The following FAM168A variants were observed in gnomAD, a reference collection of about 807,000 sequenced individuals.
The protein encoded by FAM168A is family with sequence similarity 168 member A, also known as protein FAM168A.
In FAM168A, 3 loss-of-function variants were observed where a neutral mutation model predicts 28.5. That is an observed-to-expected ratio of 0.11 (90% CI 0.05 to 0.27). The LOEUF is 0.27. Among genes scored for constraint, FAM168A ranks in the 10% least tolerant of loss-of-function variants. FAM168A has a pLI of 1.00. For synonymous variants in FAM168A, 122 were observed against 124.2 expected (o/e 0.98, Z 0.12); for missense variants, 222 against 311.5 (o/e 0.71, Z 2.16).
At chr11:73,497,372 G>A (rs1392992536) in intron 1 of FAM168A, among the ~76,000 whole-genome samples, 2 of 152,024 alleles carry the variant, frequency 1.3e-5, no homozygotes, top group Non-Finnish European at 2.9e-5. Context: ...GGCTGAGGCA[G>A]GAGAATCACT....
chr11:73,545,027 A>AATATATTATATATAATATATTATAT (rs1943726414), intron 1 of FAM168A, among the ~76,000 whole-genome samples: 13 of 77,394 alleles, frequency 1.7e-4, no homozygotes, highest in South Asian at 2.7e-4. Context: ...TAGTATATAT[A>AATATATTATATATAATATATTATAT]ATATATATAT....
At chr11:73,422,359 T>C (rs1430012465) in intron 3 of FAM168A, among the ~76,000 whole-genome samples, 1 of 152,244 alleles carries the variant, frequency 6.6e-6, no homozygotes, top group Non-Finnish European at 1.5e-5. Flanking sequence ...TGAATTAGTG[T>C]TTTCCGTACG....
At chr11:73,597,639 C>T (rs1207367153) in intron 1 of FAM168A, among the ~76,000 whole-genome samples, 1 of 151,970 alleles carries the variant, frequency 6.6e-6, no homozygotes, top group East Asian at 1.9e-4. Flanking sequence ...TCCCGAATTC[C>T]AACCCGACGC....
intron 1 of FAM168A, among the ~76,000 whole-genome samples, chr11:73,516,605 C>A (rs1326039690): frequency 6.6e-6 from 1 of 152,168 alleles, no homozygotes; most frequent in African/African-American, 2.4e-5. Context: ...AGAGTCCTTA[C>A]CTCCTTCTCT....
chr11:73,407,415 G>T (rs1565231657), intron 7 of FAM168A, 98 bp downstream of exon 7: 4 of 707,028 alleles, frequency 5.7e-6, no homozygotes, highest in Non-Finnish European at 8.9e-6. Context: ...GCTGTTACCT[G>T]CCCTAGCTGA....
chr11:73,478,349 G>T (rs1813898436), intron 1 of FAM168A, among the ~76,000 whole-genome samples: 1 of 152,110 alleles, frequency 6.6e-6, no homozygotes, highest in African/African-American at 2.4e-5. Flanking sequence ...ATGCTAAGTG[G>T]AAGAAGCCAG....
At chr11:73,580,231 T>C (rs2134733414) in intron 1 of FAM168A, 1 of 520,808 alleles carries the variant, frequency 1.9e-6, no homozygotes, top group Non-Finnish European at 3.8e-6. Flanking sequence ...TACGTCCCGC[T>C]GCCGTCACTG....
At chr11:73,481,239 C>CT (rs1867963621) in intron 1 of FAM168A, among the ~76,000 whole-genome samples, 1 of 152,130 alleles carries the variant, frequency 6.6e-6, no homozygotes, top group Non-Finnish European at 1.5e-5. Flanking sequence ...TCTTACTCTT[C>CT]TTTTTAGGGT....
At chr11:73,411,176 T>C (rs1304257883) in intron 5 of FAM168A, among the ~76,000 whole-genome samples, 1 of 152,242 alleles carries the variant, frequency 6.6e-6, no homozygotes, top group African/African-American at 2.4e-5. Context: ...TGGGCTCTGT[T>C]AATCTAAATG....
intron 1 of FAM168A, among the ~76,000 whole-genome samples, chr11:73,589,710 T>C (rs535812533): frequency 6.6e-6 from 1 of 152,202 alleles, no homozygotes; most frequent in East Asian, 1.9e-4. Flanking sequence ...GGGTGGATCA[T>C]GAGGTCAGGA....
At chr11:73,486,406 T>G (rs185011344) in intron 1 of FAM168A, among the ~76,000 whole-genome samples, 1 of 152,326 alleles carries the variant, frequency 6.6e-6, no homozygotes, top group Admixed American at 6.5e-5. Flanking sequence ...CCATTCTATA[T>G]TCTGTCTCTA....
chr11:73,573,190 T>C (rs1362027298), intron 1 of FAM168A, among the ~76,000 whole-genome samples: 1 of 152,170 alleles, frequency 6.6e-6, no homozygotes, highest in Non-Finnish European at 1.5e-5. Flanking sequence ...ACTTAACTGT[T>C]AGAAGGTAGA....
At chr11:73,411,612 C>T (rs1466969311) in intron 4 of FAM168A, 76 bp from the exon 5 acceptor site, 56 of 1,482,040 alleles carry the variant, frequency 3.8e-5, no homozygotes, top group Non-Finnish European at 3.6e-5. Context: ...GTCCCAGTCA[C>T]GACTCCCCAG....
intron 1 of FAM168A, among the ~76,000 whole-genome samples, chr11:73,558,771 T>C (rs531509967): frequency 6.6e-6 from 1 of 152,264 alleles, no homozygotes; most frequent in African/African-American, 2.4e-5. Flanking sequence ...ACAATAGCTA[T>C]TTATTTTTTA....
At chr11:73,429,315 C>G (rs1189179835) in intron 3 of FAM168A, among the ~76,000 whole-genome samples, 1 of 152,146 alleles carries the variant, frequency 6.6e-6, no homozygotes, top group Non-Finnish European at 1.5e-5. Context: ...CACTGGGTAA[C>G]TTGGGACAAA....
chr11:73,550,066 A>G (rs1267407831), intron 1 of FAM168A, among the ~76,000 whole-genome samples: 1 of 152,266 alleles, frequency 6.6e-6, no homozygotes, highest in Non-Finnish European at 1.5e-5. Context: ...ATACGCTATG[A>G]ATAAATATAT....
At chr11:73,444,555 C>T (rs555981971) in intron 2 of FAM168A, among the ~76,000 whole-genome samples, 1 of 152,314 alleles carries the variant, frequency 6.6e-6, no homozygotes, top group South Asian at 2.1e-4. Flanking sequence ...ATCTTTTGTG[C>T]ATTTTAAAAC....
chr11:73,411,603 TC>T (rs1340757524), intron 4 of FAM168A, 67 bp from the exon 5 acceptor site: 2 of 1,558,230 alleles, frequency 1.3e-6, no homozygotes, highest in East Asian at 4.5e-5. Context: ...AGGCAGCAGG[TC>T]CCAGTCACGA....
intron 1 of FAM168A, among the ~76,000 whole-genome samples, chr11:73,495,393 C>T (rs1163040937): frequency 6.6e-6 from 1 of 152,060 alleles, no homozygotes; most frequent in Non-Finnish European, 1.5e-5. Flanking sequence ...AAGAATAACC[C>T]AATCAAGAAC....
Sources: gnomAD v4.1 joint callset for allele counts (sites outside exome capture counted in the v4.1 genomes callset) on GRCh38, gnomAD v4.1.1 for gene constraint, MANE v1.5 for transcripts, NCBI Gene and HGNC (gene_info 2026-07-23, HGNC 2026-07-21) for gene names.